ANO4: variants seen among roughly 807,000 people sequenced by gnomAD.
ANO4 encodes anoctamin 4, also known as anoctamin-4.
Under a neutral mutation model 141.9 loss-of-function variants are expected in ANO4, and 69 were observed. That is an observed-to-expected ratio of 0.49 (90% CI 0.40 to 0.59). The LOEUF (loss-of-function observed/expected upper bound fraction) is 0.59, where lower values mean the gene tolerates loss of function less well. Ranked by LOEUF, ANO4 falls within the 20% of genes least tolerant of loss-of-function variation. The pLI is 0.00. For synonymous variants in ANO4, 350 were observed against 394.3 expected (o/e 0.89, Z 1.33); for missense variants, 894 against 1,162.2 (o/e 0.77, Z 3.36).
chr12:100,782,255 A>C (rs537963993), intron 3 of ANO4, among the ~76,000 whole-genome samples: 2 of 152,196 alleles, frequency 1.3e-5, no homozygotes, highest in South Asian at 4.2e-4. Context: ...TCCCTCTTAC[A>C]ATCATCTAAT....
chr12:101,119,440 C>A (rs1010181250), intron 25 of ANO4, among the ~76,000 whole-genome samples: 1 of 151,890 alleles, frequency 6.6e-6, no homozygotes, highest in Admixed American at 6.6e-5. Flanking sequence ...GGTGACAGAG[C>A]GAGATTCTGT....
chr12:100,717,545 A>G, exon 1 of ANO4: 2 of 399,530 alleles, frequency 5.0e-6, no homozygotes, highest in Non-Finnish European at 4.4e-6. Flanking sequence ...CTCACCGCAT[A>G]CGGTAACTGG....
intron 3 of ANO4, among the ~76,000 whole-genome samples, chr12:100,768,953 G>T (rs377187223): frequency 6.6e-6 from 1 of 152,152 alleles, no homozygotes; most frequent in Non-Finnish European, 1.5e-5. Context: ...AAAATGTCAT[G>T]TCATGAATCT....
Position 101,106,147 on chromosome 12 carries a change from A to G in ANO4, c.2150-4257A>G, listed in dbSNP as rs374471506. On this transcript the variant is annotated intron_variant, in intron 22 of 27. Coordinates refer to ENST00000392977, the MANE Select transcript of ANO4 (RefSeq NM_001286615.2). ...AAAAATGAGCAGATTGACTTAGCGT[A>G]AGACAGTAAATTAGTGAACTTGAAG... is the stretch of plus-strand genomic sequence containing the variant. Among the ~76,000 whole-genome samples, 7 of 152,158 alleles carry G rather than the reference A, an allele frequency of 4.6e-5. No individual in the cohort carries two copies. In the East Asian group the frequency reaches 5.8e-4, roughly 13 times the overall value.
At chr12:101,024,862 A>G (rs2046669952) in intron 9 of ANO4, among the ~76,000 whole-genome samples, 1 of 152,190 alleles carries the variant, frequency 6.6e-6, no homozygotes, top group Non-Finnish European at 1.5e-5. Context: ...GCATCTTAAA[A>G]CATATTAATG....
At chr12:101,004,242 T>TG (rs2045777770) in intron 8 of ANO4, among the ~76,000 whole-genome samples, 1 of 151,792 alleles carries the variant, frequency 6.6e-6, no homozygotes, top group Admixed American at 6.6e-5. Context: ...CCTCTAGAGT[T>TG]GGGGGAGCAA....
intron 8 of ANO4, among the ~76,000 whole-genome samples, chr12:101,005,217 C>G (rs149838919): frequency 3.9e-5 from 6 of 152,118 alleles, no homozygotes; most frequent in Non-Finnish European, 8.8e-5. Flanking sequence ...ATTAGTGGAA[C>G]GCTGAGAGCT....
At chr12:101,097,758 G>A in intron 20 of ANO4, 50 bp downstream of exon 20, 5 of 1,607,810 alleles carry the variant, frequency 3.1e-6, no homozygotes, top group Middle Eastern at 1.7e-4. Context: ...GCATTAAACA[G>A]CCTTAGGGCA....
At chr12:100,831,352 A>G (rs1258747735) in intron 1 of ANO4, among the ~76,000 whole-genome samples, 2 of 152,108 alleles carry the variant, frequency 1.3e-5, no homozygotes, top group African/African-American at 2.4e-5. Flanking sequence ...CAGTTTTCCT[A>G]TAGACATTTG....
At chr12:100,951,661 T>C (rs1402558235) in intron 5 of ANO4, among the ~76,000 whole-genome samples, 3 of 152,186 alleles carry the variant, frequency 2.0e-5, no homozygotes, top group African/African-American at 4.8e-5. Flanking sequence ...TGTCTCTTCT[T>C]TTTTGAGAGA....
chr12:100,745,255 A>G (rs139636996), intron 3 of ANO4, among the ~76,000 whole-genome samples: 1,925 of 152,262 alleles, frequency 0.013, 26 homozygotes, highest in African/African-American at 0.044. Context: ...CTTTCCTTAC[A>G]TTCTTCTCCT....
At chr12:100,781,987 A>C (rs1465557683) in intron 3 of ANO4, among the ~76,000 whole-genome samples, 2 of 152,216 alleles carry the variant, frequency 1.3e-5, no homozygotes, top group Non-Finnish European at 2.9e-5. Flanking sequence ...TCTCATTGGC[A>C]ATCTGGAAAC....
chr12:100,824,727 G>C (rs1039265756), intron 1 of ANO4, among the ~76,000 whole-genome samples: 3 of 152,032 alleles, frequency 2.0e-5, no homozygotes, highest in Non-Finnish European at 4.4e-5. Context: ...AGTACACAAA[G>C]CTCTGAATGT....
chr12:100,804,860 C>T (rs2034909866), intron 1 of ANO4, among the ~76,000 whole-genome samples: 1 of 152,104 alleles, frequency 6.6e-6, no homozygotes, highest in Non-Finnish European at 1.5e-5. Flanking sequence ...AGACCTTTGT[C>T]AGATGGATAG....
At chr12:100,838,448 A>G (rs2135800376) in intron 1 of ANO4, among the ~76,000 whole-genome samples, 1 of 152,262 alleles carries the variant, frequency 6.6e-6, no homozygotes, top group East Asian at 1.9e-4. Flanking sequence ...TATACTCACT[A>G]TCAGCATAGC....
chr12:100,745,642 G>C (rs565180097), intron 3 of ANO4, among the ~76,000 whole-genome samples: 1 of 152,266 alleles, frequency 6.6e-6, no homozygotes, highest in East Asian at 1.9e-4. Context: ...AAACAAGAAG[G>C]AGAAGGTTGA....
At chr12:101,100,511 A>G (rs2050149257) in intron 22 of ANO4, among the ~76,000 whole-genome samples, 1 of 152,206 alleles carries the variant, frequency 6.6e-6, no homozygotes, top group Admixed American at 6.5e-5. Context: ...AACCTAGGGA[A>G]GAAATCAATT....
chr12:101,111,321 A>G (rs1320161421), intron 23 of ANO4, among the ~76,000 whole-genome samples: 5 of 152,086 alleles, frequency 3.3e-5, no homozygotes, highest in Non-Finnish European at 5.9e-5. Flanking sequence ...CTTATCATTA[A>G]CCAGAATTCT....
At chr12:101,083,419 A>G (rs2049361655) in intron 15 of ANO4, among the ~76,000 whole-genome samples, 1 of 152,204 alleles carries the variant, frequency 6.6e-6, no homozygotes. Context: ...GGTTAGTTTT[A>G]TAAGATAACA....
Sources: gnomAD v4.1 joint callset for allele counts (sites outside exome capture counted in the v4.1 genomes callset) on GRCh38, gnomAD v4.1.1 for gene constraint, MANE v1.5 for transcripts, NCBI Gene and HGNC (gene_info 2026-07-23, HGNC 2026-07-21) for gene names.